PCGF5: variants seen among roughly 807,000 people sequenced by gnomAD.
PCGF5 encodes the protein polycomb group ring finger 5.
A neutral mutation model predicts 44.3 loss-of-function variants in PCGF5; 9 were observed. The ratio of observed to expected loss-of-function variants is 0.20; its 90% CI spans 0.12 to 0.35. The LOEUF (loss-of-function observed/expected upper bound fraction) is 0.35. PCGF5 is among the 10% of genes least tolerant of loss of function. The pLI, the probability that PCGF5 is intolerant of heterozygous loss-of-function variation, is 1.00. For synonymous variants in PCGF5, 95 were observed against 102.5 expected (o/e 0.93, Z 0.44); for missense variants, 146 against 305.3 (o/e 0.48, Z 3.89).
chr10:91,268,660 C>T (rs1314344189), intron 8 of PCGF5, among the ~76,000 whole-genome samples: 2 of 152,120 alleles, frequency 1.3e-5, no homozygotes, highest in Admixed American at 1.3e-4. Context: ...TCTTGCTCTG[C>T]TTCTAGCCTC....
chr10:91,246,096 T>C (rs1845454530), intron 3 of PCGF5, among the ~76,000 whole-genome samples: 1 of 152,144 alleles, frequency 6.6e-6, no homozygotes, highest in African/African-American at 2.4e-5. Context: ...AGTGATTTAA[T>C]GACTGACCAT....
chr10:91,232,657 A>G (rs893788686), intron 2 of PCGF5, among the ~76,000 whole-genome samples: 11 of 152,238 alleles, frequency 7.2e-5, no homozygotes, highest in Non-Finnish European at 4.4e-5. Flanking sequence ...AGATAGGTAC[A>G]TGAAGTTCTG....
intron 1 of PCGF5, among the ~76,000 whole-genome samples, chr10:91,222,193 C>T (rs1029645638): frequency 6.6e-6 from 1 of 152,062 alleles, no homozygotes; most frequent in Non-Finnish European, 1.5e-5. Flanking sequence ...TGCCTCGTAG[C>T]AGAATATAAG....
At chr10:91,195,515 G>C (rs1177831908) in intron 1 of PCGF5, among the ~76,000 whole-genome samples, 1 of 151,306 alleles carries the variant, frequency 6.6e-6, no homozygotes, top group South Asian at 2.1e-4. Context: ...GAGACGCAGG[G>C]TCTCTGTCAC....
rs1844409785 is a variant in PCGF5 at position 91,209,545 on chromosome 10, A to C, written c.-183-13144A>C. On this transcript the variant is annotated intron_variant, in intron 1 of 9. Coordinates refer to the PCGF5 transcript ENST00000614189. ...GCCGAGGCGGGTGGATCATGAGGTC[A>C]GGAGATCGAGACCATCCTGGCTAAC... Among the ~76,000 whole-genome samples the C allele has an allele frequency of 1.1e-4, 2 of 18,442 alleles. 1 individual carries two copies. Among genetic ancestry groups the C allele is most frequent in the Admixed American group, 1.1e-3 (2 of 1,836 alleles). The allele number at this position is 18,442 out of a possible 152,430, so 12.1% of individuals were successfully genotyped here. A position where few individuals can be genotyped will look rare whatever the true frequency, so the allele number is the denominator to read the frequency against.
chr10:91,274,830 G>C (rs1846266810), intron 9 of PCGF5, among the ~76,000 whole-genome samples: 1 of 152,102 alleles, frequency 6.6e-6, no homozygotes, highest in Non-Finnish European at 1.5e-5. Context: ...TTTGAGAATT[G>C]CAAGGAGGCC....
At chr10:91,274,169 C>T (rs535487479) in intron 9 of PCGF5, among the ~76,000 whole-genome samples, 6 of 152,144 alleles carry the variant, frequency 3.9e-5, no homozygotes, top group African/African-American at 1.4e-4. Flanking sequence ...CAGTTCACCC[C>T]ACAATTAAAT....
intron 8 of PCGF5, among the ~76,000 whole-genome samples, chr10:91,269,012 C>CT (rs1846112437): frequency 6.6e-6 from 1 of 151,960 alleles, no homozygotes; most frequent in Non-Finnish European, 1.5e-5. Context: ...GAAAAAAAAA[C>CT]ATGCTTCTTG....
chr10:91,275,815 G>A (rs1020703114), intron 9 of PCGF5, among the ~76,000 whole-genome samples: 1 of 152,078 alleles, frequency 6.6e-6, no homozygotes, highest in Non-Finnish European at 1.5e-5. Context: ...AAATATGTAT[G>A]CTGTTTGAAC....
At chr10:91,242,470 C>T (rs908883914) in intron 3 of PCGF5, among the ~76,000 whole-genome samples, 3 of 152,036 alleles carry the variant, frequency 2.0e-5, no homozygotes, top group African/African-American at 7.2e-5. Flanking sequence ...CCTCTCTGTT[C>T]TTAAAGGGCC....
chr10:91,176,424 A>G (rs1051370936), intron 1 of PCGF5, among the ~76,000 whole-genome samples: 1 of 152,056 alleles, frequency 6.6e-6, no homozygotes, highest in African/African-American at 2.4e-5. Flanking sequence ...TCTTTGTGGC[A>G]TTCTCTGTAT....
At chr10:91,219,218 A>C (rs1287245009), upstream of PCGF5, among the ~76,000 whole-genome samples, 3 of 152,064 alleles carry the variant, frequency 2.0e-5, no homozygotes, top group Non-Finnish European at 4.4e-5. Flanking sequence ...CCCTTCCTTC[A>C]TTGCTAACAT....
chr10:91,169,621 A>G (rs569056761), intron 1 of PCGF5, among the ~76,000 whole-genome samples: 1 of 152,384 alleles, frequency 6.6e-6, no homozygotes, highest in Admixed American at 6.5e-5. Flanking sequence ...ATTTTGATAA[A>G]AGAAATCAAA....
chr10:91,220,999 C>T (rs1263889710), intron 1 of PCGF5, among the ~76,000 whole-genome samples, 163 bp downstream of exon 1: 1 of 152,034 alleles, frequency 6.6e-6, no homozygotes, highest in African/African-American at 2.4e-5. Context: ...GCGGGGGCTT[C>T]GGAGCTGTGC....
intron 1 of PCGF5, among the ~76,000 whole-genome samples, chr10:91,198,281 C>T (rs1393391940): frequency 1.3e-5 from 2 of 152,204 alleles, no homozygotes; most frequent in Non-Finnish European, 2.9e-5. Context: ...TCATTCTCAA[C>T]CACACTGGCC....
At chr10:91,225,497 C>T (rs1305738714) in intron 2 of PCGF5, among the ~76,000 whole-genome samples, 2 of 151,286 alleles carry the variant, frequency 1.3e-5, no homozygotes, top group African/African-American at 4.9e-5. Context: ...TGGCCTTTAT[C>T]GTCAACAGAG....
chr10:91,188,537 T>C (rs1318980052), intron 1 of PCGF5, among the ~76,000 whole-genome samples: 3 of 152,232 alleles, frequency 2.0e-5, no homozygotes, highest in African/African-American at 7.2e-5. Context: ...TGCTAAGAAA[T>C]TGGAATCTTC....
intron 1 of PCGF5, among the ~76,000 whole-genome samples, chr10:91,194,997 G>A (rs1844101309): frequency 6.6e-6 from 1 of 152,108 alleles, no homozygotes; most frequent in Non-Finnish European, 1.5e-5. Context: ...AGTATAGGGG[G>A]AGTAGATGTG....
chr10:91,226,566 CA>C (rs899034851), intron 2 of PCGF5, among the ~76,000 whole-genome samples: 12 of 152,156 alleles, frequency 7.9e-5, no homozygotes, highest in African/African-American at 2.9e-4. Flanking sequence ...AGTCTTCTTT[CA>C]GATGACTATG....
Sources: allele counts gnomAD v4.1 joint callset (sites outside exome capture counted in the v4.1 genomes callset), GRCh38; gene constraint gnomAD v4.1.1; transcripts MANE v1.5; gene names NCBI Gene and HGNC (gene_info 2026-07-23, HGNC 2026-07-21).